CRPPA: variants seen among roughly 807,000 people sequenced by gnomAD.
CRPPA encodes CDP-L-ribitol pyrophosphorylase A.
Under a neutral mutation model 52.0 loss-of-function variants are expected in CRPPA, and 43 were observed. The ratio of observed to expected loss-of-function variants is 0.83; its 90% CI spans 0.65 to 1.07. The LOEUF is 1.07. Among genes scored for constraint, CRPPA ranks in the 50% least tolerant of loss-of-function variants. The probability of loss-of-function intolerance (pLI) is 0.00; values close to 1 mark genes in which losing one functional copy is unlikely to be tolerated. For missense variants in CRPPA, 629 were observed against 551.7 expected, an observed-to-expected ratio of 1.14 and a Z score of -1.40; for synonymous variants, 250 against 203.5, an observed-to-expected ratio of 1.23 and a Z score of -1.94.
At chr7:16,226,255 A>T (rs1216555434) in intron 8 of CRPPA, among the ~76,000 whole-genome samples, 1 of 151,988 alleles carries the variant, frequency 6.6e-6, no homozygotes, top group Non-Finnish European at 1.5e-5. Context: ...GTCATTAAAA[A>T]TGTGAAAATA....
At chr7:16,414,819 T>G (rs768454916) in intron 1 of CRPPA, among the ~76,000 whole-genome samples, 11 of 152,228 alleles carry the variant, frequency 7.2e-5, no homozygotes, top group Non-Finnish European at 1.5e-4. Context: ...AAGGGTCTAG[T>G]TCCCAGCATA....
At chr7:16,174,770 T>G (rs1781260361) in intron 9 of CRPPA, among the ~76,000 whole-genome samples, 1 of 152,192 alleles carries the variant, frequency 6.6e-6, no homozygotes, top group South Asian at 2.1e-4. Context: ...GGATTCTGAA[T>G]TATTTAGAAG....
At chr7:16,097,604 A>G (rs1401660451) in intron 9 of CRPPA, among the ~76,000 whole-genome samples, 1 of 152,278 alleles carries the variant, frequency 6.6e-6, no homozygotes, top group African/African-American at 2.4e-5. Flanking sequence ...ATAAAGTCCC[A>G]CATGCCAGTC....
intron 9 of CRPPA, among the ~76,000 whole-genome samples, chr7:16,144,951 C>G (rs918520478): frequency 6.6e-6 from 1 of 152,192 alleles, no homozygotes; most frequent in African/African-American, 2.4e-5. Flanking sequence ...TTCCAGGTAA[C>G]AGATGTGCCA....
intron 9 of CRPPA, among the ~76,000 whole-genome samples, chr7:16,215,138 C>T (rs1000417003): frequency 5.3e-5 from 8 of 152,028 alleles, no homozygotes; most frequent in African/African-American, 1.4e-4. Context: ...AAAATGCAGC[C>T]GAAATAATTT....
chr7:16,176,760 T>G (rs1162259395), intron 9 of CRPPA, among the ~76,000 whole-genome samples: 3 of 152,088 alleles, frequency 2.0e-5, no homozygotes, highest in African/African-American at 7.2e-5. Context: ...CTCCTAAAGT[T>G]AAATGTGCAC....
chr7:16,361,194 G>GT (rs912103630), intron 3 of CRPPA, among the ~76,000 whole-genome samples: 10 of 151,782 alleles, frequency 6.6e-5, no homozygotes, highest in South Asian at 2.1e-4. Flanking sequence ...CAATTACTTT[G>GT]TTTTTTTTAA....
At chr7:16,213,391 A>G (rs1452035855) in intron 9 of CRPPA, among the ~76,000 whole-genome samples, 1 of 139,332 alleles carries the variant, frequency 7.2e-6, no homozygotes, top group Non-Finnish European at 1.5e-5. Context: ...TTATTGTTCC[A>G]TATCCTGTTT....
Position 16,308,579 on chromosome 7 carries a change from G to A in CRPPA, c.733C>T (p.Leu245=). The A allele has an allele frequency of 1.2e-6, 2 of 1,611,488 alleles. No homozygotes were observed. The highest frequency in any genetic ancestry group is 1.7e-6 in the Non-Finnish European group (2 of 1,178,702). Residue 245 remains leucine (L), a synonymous_variant, in exon 4 of 10, where the codon CTA becomes TTA. Transcript: ENST00000407010. ...EFGTECLQLA[L]KYCCTKAKLV... ...TTGGCTTTAGTGCAACAGTATTTTA[G>A]GGCCAATTGCAAACACTCAGTTCCA...
chr7:16,411,143 G>C (rs1481881465), intron 1 of CRPPA, among the ~76,000 whole-genome samples: 5 of 152,158 alleles, frequency 3.3e-5, no homozygotes, highest in Non-Finnish European at 7.3e-5. Context: ...TCAATGTGTA[G>C]AATATTTCGC....
chr7:16,238,666 A>G (rs1315185639), intron 8 of CRPPA, among the ~76,000 whole-genome samples: 1 of 152,222 alleles, frequency 6.6e-6, no homozygotes, highest in East Asian at 1.9e-4. Context: ...AAGAATTAAC[A>G]TAGAAGGTCT....
intron 9 of CRPPA, among the ~76,000 whole-genome samples, chr7:16,147,087 G>T (rs1782987959): frequency 6.6e-6 from 1 of 152,162 alleles, no homozygotes; most frequent in Non-Finnish European, 1.5e-5. Flanking sequence ...GAGTTCCTCT[G>T]CACAAGCTCT....
chr7:16,194,498 A>C (rs1334573874), intron 9 of CRPPA, among the ~76,000 whole-genome samples: 2 of 152,172 alleles, frequency 1.3e-5, no homozygotes, highest in African/African-American at 4.8e-5. Flanking sequence ...AAGAAACTAA[A>C]ATCTGTCAAC....
rs56926429 is a variant in CRPPA at position 16,249,147 on chromosome 7, C to T, written c.1119+9243G>A. 6.1e-3 allele frequency among the ~76,000 whole-genome samples: 928 copies of T among 152,222 alleles called. 3 individuals carry two copies. The highest frequency in any genetic ancestry group is 8.8e-3 in the Non-Finnish European group (601 of 68,010). ...TGCAACCCACCAGAGCTCAGTGAGG[C>T]TGACCGCCTCTCTAGATTCTGCCTC... On this transcript the variant is annotated intron_variant, in intron 8 of 9. Transcript: ENST00000407010.
chr7:16,315,296 TG>T (rs1785121340), intron 3 of CRPPA, among the ~76,000 whole-genome samples: 1 of 152,170 alleles, frequency 6.6e-6, no homozygotes, highest in South Asian at 2.1e-4. Context: ...TGAGAGTCCT[TG>T]TCATATTAAT....
intron 5 of CRPPA, among the ~76,000 whole-genome samples, 170 bp downstream of exon 5, chr7:16,301,251 C>A (rs1327589064): frequency 6.6e-6 from 1 of 152,174 alleles, no homozygotes; most frequent in South Asian, 2.1e-4. Context: ...ACTGCTATTT[C>A]TCTAGCATGA....
chr7:16,379,186 C>T (rs1221160995), intron 2 of CRPPA, among the ~76,000 whole-genome samples: 1 of 152,176 alleles, frequency 6.6e-6, no homozygotes. Flanking sequence ...CTTGCCCATG[C>T]CTATGTCCTG....
chr7:16,089,382 G>A lies in CRPPA; in HGVS notation c.*2313C>T, dbSNP rs751996181. ...TACATACATGCATGTACATATATAC[G>A]TATATATGTATGTACATAATGTGTA... is the stretch of plus-strand genomic sequence containing the variant. On this transcript the variant is annotated 3_prime_UTR_variant, in exon 10 of 10. Coordinates refer to ENST00000407010, the MANE Select transcript of CRPPA (RefSeq NM_001101426.4). 1.1e-4 allele frequency: 30 copies of A among 279,742 alleles called. 3 individuals carry two copies. Among genetic ancestry groups the A allele is most frequent in the Non-Finnish European group, 1.5e-4 (20 of 129,402 alleles). 17.3% of individuals were successfully genotyped at this position (279,742 alleles called of 1,614,324 possible). A position where few individuals can be genotyped will look rare whatever the true frequency, so the allele number is the denominator to read the frequency against.
At chr7:16,399,440 C>T (rs1787730619) in intron 2 of CRPPA, among the ~76,000 whole-genome samples, 1 of 151,836 alleles carries the variant, frequency 6.6e-6, no homozygotes, top group South Asian at 2.1e-4. Context: ...AAGATTGGCA[C>T]ATGTCCAACA....
Sources: allele counts gnomAD v4.1 joint callset (sites outside exome capture counted in the v4.1 genomes callset), GRCh38; gene constraint gnomAD v4.1.1; transcripts MANE v1.5; gene names NCBI Gene and HGNC (gene_info 2026-07-23, HGNC 2026-07-21).